The following EPHA7 variants were observed in gnomAD, a reference collection of about 807,000 sequenced individuals.
EPHA7 encodes the protein EPH receptor A7.
A neutral mutation model predicts 112.6 loss-of-function variants in EPHA7; 25 were observed. The ratio of observed to expected loss-of-function variants is 0.22; its 90% confidence interval spans 0.16 to 0.31. The LOEUF (loss-of-function observed/expected upper bound fraction) is 0.31, where lower values mean the gene tolerates loss of function less well. Among genes scored for constraint, EPHA7 ranks in the 10% least tolerant of loss-of-function variants. The probability of loss-of-function intolerance (pLI) is 1.00; values close to 1 mark genes in which losing one functional copy is unlikely to be tolerated. For synonymous variants in EPHA7, 437 were observed against 406.5 expected, an observed-to-expected ratio of 1.07 and a Z score of -0.90; for missense variants, 962 against 1,212.6, an observed-to-expected ratio of 0.79 and a Z score of 3.07.
At chr6:93,417,911 T>A (rs550881718) in intron 1 of EPHA7, among the ~76,000 whole-genome samples, 29 of 151,844 alleles carry the variant, frequency 1.9e-4, no homozygotes, top group African/African-American at 7.0e-4. Context: ...TGGCGCCGGG[T>A]TTGAGGGGGG....
chr6:93,416,519 G>A (rs563407146), intron 1 of EPHA7, among the ~76,000 whole-genome samples: 36 of 152,322 alleles, frequency 2.4e-4, no homozygotes, highest in African/African-American at 8.4e-4. Flanking sequence ...CAAGTTAAGA[G>A]AGAAACAAAC....
chr6:93,259,106 T>G (rs927317665), intron 10 of EPHA7, among the ~76,000 whole-genome samples: 2 of 152,038 alleles, frequency 1.3e-5, no homozygotes, highest in Admixed American at 6.6e-5. Flanking sequence ...ATAAAGTAGC[T>G]TGTAGTAGAA....
chr6:93,375,936 T>C (rs774944634), intron 3 of EPHA7, among the ~76,000 whole-genome samples: 1 of 152,158 alleles, frequency 6.6e-6, no homozygotes, highest in Non-Finnish European at 1.5e-5. Context: ...TCTTCCATTG[T>C]TATTTCTCCT....
chr6:93,325,514 T>A (rs1774275994), intron 5 of EPHA7, among the ~76,000 whole-genome samples: 1 of 151,330 alleles, frequency 6.6e-6, no homozygotes, highest in South Asian at 2.1e-4. Context: ...TTAATATCTA[T>A]CATCCAACTA....
Position 93,245,293 on chromosome 6 carries a change from C to G in EPHA7, c.2882+5G>C. 6.2e-7 allele frequency: 1 copy of G among 1,611,400 alleles called. No homozygotes were observed. Among genetic ancestry groups the G allele is most frequent in the South Asian group, 1.1e-5 (1 of 90,920 alleles). On this transcript the variant is annotated splice_donor_5th_base_variant and intron_variant, in intron 16 of 16. Coordinates refer to ENST00000369303, the MANE Select transcript of EPHA7 (RefSeq NM_004440.4). Reference sequence around the variant, plus strand: ...TTAAATACAATTTTAAGAGTTTAAGCTTACTCAATAGTCATCCTGGCTACT... The same window carrying G: ...TTAAATACAATTTTAAGAGTTTAAGGTTACTCAATAGTCATCCTGGCTACT...
chr6:93,387,967 AT>A, intron 3 of EPHA7, among the ~76,000 whole-genome samples: 1 of 148,972 alleles, frequency 6.7e-6, no homozygotes, highest in South Asian at 2.2e-4. Context: ...AGATAGATAG[AT>A]AGATAGATAG....
chr6:93,340,036 T>C (rs947707604), intron 5 of EPHA7, among the ~76,000 whole-genome samples: 1 of 151,714 alleles, frequency 6.6e-6, no homozygotes, highest in Non-Finnish European at 1.5e-5. Context: ...CAAAGGGAAA[T>C]AAACATAGGG....
chr6:93,382,603 A>C (rs1777392399), intron 3 of EPHA7, among the ~76,000 whole-genome samples: 1 of 152,072 alleles, frequency 6.6e-6, no homozygotes, highest in Non-Finnish European at 1.5e-5. Flanking sequence ...TTCTTTCTTC[A>C]TGACACCTCT....
chr6:93,297,670 C>G (rs1196849320), intron 5 of EPHA7, among the ~76,000 whole-genome samples: 1 of 152,070 alleles, frequency 6.6e-6, no homozygotes, highest in Non-Finnish European at 1.5e-5. Context: ...AAAATAAAAG[C>G]TTTCTCATAC....
At chr6:93,305,471 A>C (rs913874695) in intron 5 of EPHA7, among the ~76,000 whole-genome samples, 3 of 151,974 alleles carry the variant, frequency 2.0e-5, no homozygotes, top group African/African-American at 7.2e-5. Flanking sequence ...TATAAACATT[A>C]AAAGCCACTC....
At chr6:93,399,589 T>G (rs1043792398) in intron 3 of EPHA7, among the ~76,000 whole-genome samples, 8 of 152,122 alleles carry the variant, frequency 5.3e-5, no homozygotes, top group African/African-American at 1.9e-4. Flanking sequence ...CATAGAAATT[T>G]GGAAATCTAA....
chr6:93,398,776 G>T (rs1410681036), intron 3 of EPHA7, among the ~76,000 whole-genome samples: 1 of 151,952 alleles, frequency 6.6e-6, no homozygotes, highest in Non-Finnish European at 1.5e-5. Context: ...TACAAAGGAG[G>T]GAAATGATCC....
chr6:93,414,686 T>C lies in EPHA7; in HGVS notation c.162+17A>G. On this transcript the variant is annotated intron_variant, in intron 2 of 16. Transcript: ENST00000369303. Reference sequence around the variant, plus strand: ...CTTATTTTAAAAAAGTGATATTTTATGATGAAAAAAACTTACCCCATTGGG... The same window carrying C: ...CTTATTTTAAAAAAGTGATATTTTACGATGAAAAAAACTTACCCCATTGGG... 6.3e-7 allele frequency: 1 copy of C among 1,597,080 alleles called. No homozygotes were observed. The highest frequency in any genetic ancestry group is 1.1e-5 in the South Asian group (1 of 90,440).
At chr6:93,401,477 T>C (rs1047000458) in intron 3 of EPHA7, among the ~76,000 whole-genome samples, 1 of 152,086 alleles carries the variant, frequency 6.6e-6, no homozygotes, top group Non-Finnish European at 1.5e-5. Context: ...TATTGTAACA[T>C]ATACCTACAG....
At chr6:93,311,112 C>CTTTTTTTTTTTTTTTTTT (rs1434719790) in intron 5 of EPHA7, among the ~76,000 whole-genome samples, 14 of 70,982 alleles carry the variant, frequency 2.0e-4, no homozygotes, top group African/African-American at 3.3e-4. Context: ...TCATGCCCAG[C>CTTTTTTTTTTTTTTTTTT]TATTTTTTTT....
At chr6:93,397,961 C>T (rs546382957) in intron 3 of EPHA7, among the ~76,000 whole-genome samples, 1 of 151,986 alleles carries the variant, frequency 6.6e-6, no homozygotes, top group South Asian at 2.1e-4. Context: ...GAGTTGTATT[C>T]ACAGGTTCCT....
Position 93,259,419 on chromosome 6 carries a change from G to A in EPHA7, c.1859C>T (p.Ala620Val). ...DPETYEDPNR[A>V]VHQFAKELDA... ...TAGCTCCTTGGCGAATTGATGGACA[G>A]CTCTATTTGGGTCCTCATAGGTTTC... Residue 620 changes from alanine (A) to valine (V), a missense_variant, in exon 10 of 17, where the codon GCT becomes GTT. This residue lies in a region of EPHA7 where 746 missense variants were observed against 889.2 expected (regional missense o/e 0.84). Transcript: ENST00000369303. 6.2e-7 allele frequency: 1 copy of A among 1,612,238 alleles called. No homozygotes were observed. Among genetic ancestry groups the A allele is most frequent in the Non-Finnish European group, 8.5e-7 (1 of 1,178,626 alleles).
chr6:93,315,047 A>G (rs1425930713), intron 5 of EPHA7, among the ~76,000 whole-genome samples: 1 of 149,928 alleles, frequency 6.7e-6, no homozygotes, highest in Non-Finnish European at 1.5e-5. Context: ...TATTTTTAGT[A>G]GAGACGGGGT....
At chr6:93,416,074 C>T (rs1779206963) in intron 1 of EPHA7, among the ~76,000 whole-genome samples, 1 of 137,400 alleles carries the variant, frequency 7.3e-6, no homozygotes, top group Non-Finnish European at 1.6e-5. Context: ...ACTTAAGACT[C>T]TCAGGGAGAC....
Sources: allele counts gnomAD v4.1 joint callset (sites outside exome capture counted in the v4.1 genomes callset), GRCh38; gene constraint gnomAD v4.1.1; regional missense constraint gnomAD v4.1.1; transcripts MANE v1.5; gene names NCBI Gene and HGNC (gene_info 2026-07-23, HGNC 2026-07-21).